ROBO2: variants seen among roughly 807,000 people sequenced by gnomAD.
The protein encoded by ROBO2 is roundabout guidance receptor 2.
ROBO2 carries 53 observed loss-of-function variants against 160.8 expected under a neutral mutation model. That is an observed-to-expected ratio of 0.33 (90% CI 0.26 to 0.41). The LOEUF (loss-of-function observed/expected upper bound fraction) is 0.41, where lower values mean the gene tolerates loss of function less well. Ranked by LOEUF, ROBO2 falls within the 10% of genes least tolerant of loss-of-function variation. The pLI, the probability that ROBO2 is intolerant of heterozygous loss-of-function variation, is 1.00. For synonymous variants in ROBO2, 664 were observed against 611.7 expected (o/e 1.09, Z -1.26); for missense variants, 1,577 against 1,722.4 (o/e 0.92, Z 1.49).
At chr3:77,302,651 G>A (rs571807176) in intron 2 of ROBO2, among the ~76,000 whole-genome samples, 15 of 152,154 alleles carry the variant, frequency 9.9e-5, no homozygotes, top group African/African-American at 3.1e-4. Context: ...CAGCTCACTC[G>A]ATTATTATAA....
intron 17 of ROBO2, among the ~76,000 whole-genome samples, chr3:77,592,537 G>GTA (rs923295368): frequency 1.1e-4 from 17 of 151,582 alleles, no homozygotes; most frequent in South Asian, 8.3e-4. Context: ...CATTATGTGT[G>GTA]TATATATATA....
At chr3:76,782,905 T>G (rs1473072019) in intron 2 of ROBO2, among the ~76,000 whole-genome samples, 1 of 150,836 alleles carries the variant, frequency 6.6e-6, no homozygotes, top group Non-Finnish European at 1.5e-5. Flanking sequence ...ACTATTGCCA[T>G]TTTGTTAGTT....
chr3:76,555,294 C>G (rs947706099), intron 2 of ROBO2, among the ~76,000 whole-genome samples: 2 of 147,544 alleles, frequency 1.4e-5, no homozygotes, highest in African/African-American at 5.0e-5. Flanking sequence ...GGAAAAGATT[C>G]ATGAAGAGGT....
At chr3:76,792,214 G>A (rs2063402100) in intron 2 of ROBO2, among the ~76,000 whole-genome samples, 1 of 151,952 alleles carries the variant, frequency 6.6e-6, no homozygotes, top group South Asian at 2.1e-4. Flanking sequence ...TAATATAAAT[G>A]CACAGCACTC....
chr3:76,367,218 C>G (rs149633692), intron 2 of ROBO2, among the ~76,000 whole-genome samples: 23 of 152,110 alleles, frequency 1.5e-4, no homozygotes, highest in African/African-American at 3.9e-4. Flanking sequence ...ATCATCTGAT[C>G]TAACATTCTG....
intron 2 of ROBO2, among the ~76,000 whole-genome samples, chr3:77,438,823 A>G (rs2079604778): frequency 1.3e-5 from 2 of 152,076 alleles, no homozygotes; most frequent in Admixed American, 6.6e-5. Flanking sequence ...AGAAGAAGAA[A>G]GCTTTCTTTT....
chr3:76,503,633 G>T (rs974289289), intron 2 of ROBO2, among the ~76,000 whole-genome samples: 1 of 152,096 alleles, frequency 6.6e-6, no homozygotes, highest in Non-Finnish European at 1.5e-5. Context: ...ATTACAAAAA[G>T]AAAATTTCGT....
At chr3:76,357,606 C>T (rs1024699621) in intron 2 of ROBO2, among the ~76,000 whole-genome samples, 22 of 151,860 alleles carry the variant, frequency 1.4e-4, no homozygotes, top group African/African-American at 4.8e-4. Flanking sequence ...TTTTATCTCA[C>T]ATGATGGATA....
At chr3:76,956,807 A>G (rs1184555912) in intron 2 of ROBO2, among the ~76,000 whole-genome samples, 1 of 152,076 alleles carries the variant, frequency 6.6e-6, no homozygotes, top group African/African-American at 2.4e-5. Context: ...GAACCACTGA[A>G]TCAAAATCCC....
intron 2 of ROBO2, among the ~76,000 whole-genome samples, chr3:77,420,909 A>G (rs2077654512): frequency 6.6e-6 from 1 of 152,202 alleles, no homozygotes; most frequent in South Asian, 2.1e-4. Flanking sequence ...GTTTGATTTT[A>G]GTATGTGATT....
chr3:76,000,201 A>G (rs912389218), intron 2 of ROBO2, among the ~76,000 whole-genome samples: 3 of 152,118 alleles, frequency 2.0e-5, no homozygotes, highest in Admixed American at 1.3e-4. Context: ...GCATGATACA[A>G]TTTTACAAAA....
intron 1 of ROBO2, among the ~76,000 whole-genome samples, chr3:77,078,650 G>A (rs1487802291): frequency 1.3e-5 from 2 of 152,162 alleles, no homozygotes; most frequent in Non-Finnish European, 2.9e-5. Context: ...AACAACTGAG[G>A]CTCAGAGAGA....
intron 2 of ROBO2, among the ~76,000 whole-genome samples, chr3:76,292,976 T>TA (rs1374407680): frequency 6.6e-6 from 1 of 151,220 alleles, no homozygotes; most frequent in Non-Finnish European, 1.5e-5. Flanking sequence ...TTTTTTTTTT[T>TA]AAATATAGTG....
rs747994257 is a variant in ROBO2 at position 77,596,669 on chromosome 3, G to A, written c.2773G>A (p.Ala925Thr). 8.1e-6 allele frequency: 13 copies of A among 1,613,972 alleles called. 1 individual carries two copies. In the South Asian group the frequency reaches 1.4e-4, roughly 18 times the overall value. The change falls in exon 19 of 26, where the codon GCT (alanine) becomes ACT (threonine). Residue 925 changes from alanine (A) to threonine (T), a missense_variant. By Grantham distance (58) the Ala-to-Thr change is moderately conservative. Coordinates refer to ENST00000461745, the Ensembl canonical transcript of ROBO2. ...TGGTGATCCCAGCTATCCATGGCTT[G>A]CTGATTCTTGGCCAGCCACGAGCTT...
At chr3:76,933,612 A>C (rs1486128801) in intron 2 of ROBO2, among the ~76,000 whole-genome samples, 1 of 152,210 alleles carries the variant, frequency 6.6e-6, no homozygotes, top group Admixed American at 6.5e-5. Flanking sequence ...CGTTGTAGCT[A>C]TGATTTCACA....
chr3:76,028,806 A>T (rs1318259707), intron 2 of ROBO2, among the ~76,000 whole-genome samples: 1 of 151,948 alleles, frequency 6.6e-6, no homozygotes, highest in Non-Finnish European at 1.5e-5. Context: ...TTGCATTGAA[A>T]AATGCCATGA....
chr3:77,506,754 A>T (rs1017308047), intron 5 of ROBO2, among the ~76,000 whole-genome samples: 1 of 152,162 alleles, frequency 6.6e-6, no homozygotes, highest in Admixed American at 6.6e-5. Flanking sequence ...GCATTGCTCA[A>T]GTAGTTATTT....
At chr3:75,979,652 G>A (rs932731361) in intron 2 of ROBO2, among the ~76,000 whole-genome samples, 1 of 151,474 alleles carries the variant, frequency 6.6e-6, no homozygotes. Flanking sequence ...TAAGTTGGGT[G>A]CTTTATGTGT....
intron 1 of ROBO2, among the ~76,000 whole-genome samples, chr3:77,070,174 A>G (rs879335583): frequency 2.6e-5 from 4 of 152,290 alleles, no homozygotes; most frequent in East Asian, 3.9e-4. Context: ...CTCCTGTTCA[A>G]TAGAAGGAAC....
Sources: allele counts gnomAD v4.1 joint callset (sites outside exome capture counted in the v4.1 genomes callset), GRCh38; gene constraint gnomAD v4.1.1; transcripts MANE v1.5; gene names NCBI Gene and HGNC (gene_info 2026-07-23, HGNC 2026-07-21).